The following CKAP5 variants were observed in gnomAD, a reference collection of about 807,000 sequenced individuals.
CKAP5 encodes the protein cytoskeleton associated protein 5.
CKAP5 carries 27 observed loss-of-function variants against 232.8 expected under a neutral mutation model. The ratio of observed to expected loss-of-function variants is 0.12; its 90% confidence interval spans 0.09 to 0.16. The LOEUF (loss-of-function observed/expected upper bound fraction) is 0.16, where lower values mean the gene tolerates loss of function less well. Ranked by LOEUF, CKAP5 falls within the 10% of genes least tolerant of loss-of-function variation. The probability of loss-of-function intolerance (pLI) is 1.00; values close to 1 mark genes in which losing one functional copy is unlikely to be tolerated. For missense variants in CKAP5, 1,838 were observed against 2,424.7 expected (o/e 0.76, Z 5.08); for synonymous variants, 785 against 841.1 (o/e 0.93, Z 1.16).
intron 22 of CKAP5, 44 bp from the exon 23 acceptor site, chr11:46,777,596 G>A: frequency 7.3e-7 from 1 of 1,370,164 alleles, no homozygotes; most frequent in Non-Finnish European, 1.0e-6. Context: ...CGATAAGCAA[G>A]TTGTGTGCAA....
At chr11:46,795,450 C>G in intron 13 of CKAP5, 144 bp downstream of exon 13, 2 of 625,734 alleles carry the variant, frequency 3.2e-6, no homozygotes, top group South Asian at 2.7e-5. Context: ...CTGGAATATC[C>G]TATCTTCATT....
intron 42 of CKAP5, among the ~76,000 whole-genome samples, chr11:46,744,965 G>T (rs1207461642): frequency 6.6e-6 from 1 of 152,154 alleles, no homozygotes; most frequent in Non-Finnish European, 1.5e-5. Flanking sequence ...ATTAAGTTTG[G>T]ACCAATGTCA....
At chr11:46,773,839 A>G (rs1362169049) in intron 24 of CKAP5, among the ~76,000 whole-genome samples, 2 of 152,130 alleles carry the variant, frequency 1.3e-5, no homozygotes, top group South Asian at 2.1e-4. Context: ...CACTGCACCC[A>G]GCCTCTATTT....
At chr11:46,821,327 A>T (rs556164301) in intron 1 of CKAP5, 59 bp from the exon 2 acceptor site, 1 of 757,936 alleles carries the variant, frequency 1.3e-6, no homozygotes, top group South Asian at 1.7e-5. Context: ...AGACAAAAAT[A>T]ACTTTTCTGA....
intron 1 of CKAP5, among the ~76,000 whole-genome samples, chr11:46,831,915 C>T (rs1053131278): frequency 5.8e-4 from 79 of 136,422 alleles, no homozygotes; most frequent in African/African-American, 2.0e-3. Flanking sequence ...CTGAGGCTGG[C>T]GTGCAGTAGC....
At chr11:46,834,243 G>C (rs1939863770) in intron 1 of CKAP5, among the ~76,000 whole-genome samples, 1 of 152,040 alleles carries the variant, frequency 6.6e-6, no homozygotes, top group African/African-American at 2.4e-5. Context: ...ACTTGGCCTG[G>C]TGCGGTGGCT....
intron 35 of CKAP5, among the ~76,000 whole-genome samples, chr11:46,757,373 A>G (rs935393449): frequency 8.6e-5 from 13 of 150,994 alleles, no homozygotes; most frequent in Non-Finnish European, 1.3e-4. Context: ...GGTGCCTGTA[A>G]TCCCAGCTGC....
chr11:46,821,701 G>A (rs1159444513), intron 1 of CKAP5, among the ~76,000 whole-genome samples: 3 of 151,968 alleles, frequency 2.0e-5, no homozygotes, highest in Admixed American at 2.0e-4. Flanking sequence ...GGGATTACAG[G>A]CGTGAGCCAC....
chr11:46,835,665 A>C (rs1037793265), intron 1 of CKAP5, among the ~76,000 whole-genome samples: 18 of 152,134 alleles, frequency 1.2e-4, no homozygotes, highest in African/African-American at 4.3e-4. Context: ...ATAAGATACA[A>C]ACAGTGGAAT....
chr11:46,792,294 T>C (rs1938749117), intron 13 of CKAP5, among the ~76,000 whole-genome samples: 1 of 152,206 alleles, frequency 6.6e-6, no homozygotes. Flanking sequence ...GGCTCATGCC[T>C]GTAATTCCAG....
At chr11:46,745,325 A>C (rs1458219133) in intron 42 of CKAP5, among the ~76,000 whole-genome samples, 1 of 152,216 alleles carries the variant, frequency 6.6e-6, no homozygotes, top group East Asian at 1.9e-4. Flanking sequence ...CCAGGGAAAA[A>C]GGACTCCTTT....
chr11:46,835,483 A>T lies in CKAP5; in HGVS notation c.-38+10737T>A, dbSNP rs1189934449. ...AGAAAATAAGAAAGTGTTCAAAAAG[A>T]AAAAAAAAATTAAAAAGATGGGGGC... On this transcript the variant is annotated intron_variant, in intron 1 of 43. Coordinates refer to ENST00000529230, the MANE Select transcript of CKAP5 (RefSeq NM_001008938.4). 2.7e-5 allele frequency among the ~76,000 whole-genome samples: 4 copies of T among 149,998 alleles called. No individual in the cohort carries two copies. The East Asian group carries it at 7.8e-4, about 29-fold the overall frequency.
intron 33 of CKAP5, 41 bp downstream of exon 33, chr11:46,760,571 G>T: frequency 6.3e-7 from 1 of 1,595,094 alleles, no homozygotes; most frequent in Non-Finnish European, 8.6e-7. Context: ...CAAGGCAAAG[G>T]CCATGGAGAT....
At chr11:46,810,511 A>G (rs1939249990) in intron 5 of CKAP5, among the ~76,000 whole-genome samples, 1 of 152,062 alleles carries the variant, frequency 6.6e-6, no homozygotes, top group Non-Finnish European at 1.5e-5. Context: ...AGGGTTTGCC[A>G]TGTTGCCCAG....
At chr11:46,834,364 C>T (rs1189288220) in intron 1 of CKAP5, among the ~76,000 whole-genome samples, 2 of 151,594 alleles carry the variant, frequency 1.3e-5, no homozygotes, top group Non-Finnish European at 2.9e-5. Flanking sequence ...ACTAAAAATA[C>T]AAAAATTAGC....
At chr11:46,803,437 T>G (rs1467448558) in intron 8 of CKAP5, among the ~76,000 whole-genome samples, 1 of 151,870 alleles carries the variant, frequency 6.6e-6, no homozygotes, top group Non-Finnish European at 1.5e-5. Flanking sequence ...CCTGCTAATG[T>G]TTCTATTTTT....
chr11:46,807,434 T>A lies in CKAP5; in HGVS notation c.978+597A>T, dbSNP rs139270869. On this transcript the variant is annotated intron_variant, in intron 8 of 43. Transcript: ENST00000529230. ...AAAATTTTCATTCTTGCTATATTCA[T>A]GAAGATGTTTTCAGAGTTTGTTCTT... Among the ~76,000 whole-genome samples, 419 of 152,350 alleles carry A rather than the reference T, an allele frequency of 2.8e-3. 2 individuals are homozygous for A. The highest frequency in any genetic ancestry group is 9.5e-3 in the African/African-American group (397 of 41,578).
At chr11:46,811,306 A>T in intron 4 of CKAP5, 128 bp from the exon 5 acceptor site, 1 of 715,564 alleles carries the variant, frequency 1.4e-6, no homozygotes, top group Non-Finnish European at 2.2e-6. Flanking sequence ...AGTTTTTTTT[A>T]AGGCAACAAA....
At position 46,753,456 on chromosome 11, in the gene CKAP5, T is replaced by C; in HGVS notation, c.4911A>G (p.Gly1637=). The C allele has an allele frequency of 6.2e-7, 1 of 1,613,406 alleles. No homozygotes were observed. The highest frequency in any genetic ancestry group is 8.5e-7 in the Non-Finnish European group (1 of 1,179,778). The part of the protein sequence containing the change: ...IESLAREAST[G]VLKDLMHGLI... Reference sequence around the variant, plus strand: ...GGCCATGCATTAGGTCTTTTAGTACTCCAGTGGAGGCCTCCCGGGCAAGGC... The same window carrying C: ...GGCCATGCATTAGGTCTTTTAGTACCCCAGTGGAGGCCTCCCGGGCAAGGC... Residue 1637 remains glycine (G), a synonymous_variant, in exon 37 of 44, where the codon GGA becomes GGG. Coordinates refer to ENST00000529230, the MANE Select transcript of CKAP5 (RefSeq NM_001008938.4).
Sources: gnomAD v4.1 joint callset for allele counts (sites outside exome capture counted in the v4.1 genomes callset) on GRCh38, gnomAD v4.1.1 for gene constraint, MANE v1.5 for transcripts, NCBI Gene and HGNC (gene_info 2026-07-23, HGNC 2026-07-21) for gene names.